The following DNAH14 variants were observed in gnomAD, a reference collection of about 807,000 sequenced individuals.
The protein encoded by DNAH14 is dynein axonemal heavy chain 14, also known as axonemal beta dynein heavy chain 14.
Under a neutral mutation model 520.9 loss-of-function variants are expected in DNAH14, and 478 were observed. The observed-to-expected ratio is 0.92, with a 90% CI of 0.85 to 0.99. The LOEUF (loss-of-function observed/expected upper bound fraction) is 0.99, where lower values mean the gene tolerates loss of function less well. Among genes scored for constraint, DNAH14 ranks in the 50% least tolerant of loss-of-function variants. DNAH14 has a pLI of 0.00. For missense variants in DNAH14, 4,831 were observed against 5,234.5 expected (o/e 0.92, Z 2.38); for synonymous variants, 1,581 against 1,757.2 (o/e 0.90, Z 2.51).
chr1:225,240,747 C>T lies in DNAH14; in HGVS notation c.6673C>T (p.Pro2225Ser), dbSNP rs1009922347. Residue 2225 changes from proline (P) to serine (S), a missense_variant, in exon 43 of 86, where the codon CCT (proline) becomes TCT (serine). By Grantham distance (74) the Pro-to-Ser change is moderately conservative. Transcript: ENST00000682510. Reference protein sequence around the residue: ...ENIPFCPSLEPDSLAKVTYDF... With the variant: ...ENIPFCPSLESDSLAKVTYDF... ...TATACCATTTTGTCCCAGTCTTGAA[C>T]CTGATTCTCTTGCAAAAGTAACATA... 6 of 1,550,360 alleles carry T rather than the reference C, an allele frequency of 3.9e-6. No individual in the cohort carries two copies. The highest frequency in any genetic ancestry group is 5.2e-6 in the Non-Finnish European group (6 of 1,146,254).
At chr1:225,192,278 A>G (rs1157284326) in intron 37 of DNAH14, among the ~76,000 whole-genome samples, 1 of 152,170 alleles carries the variant, frequency 6.6e-6, no homozygotes, top group Non-Finnish European at 1.5e-5. Context: ...ACATAAAACG[A>G]GACCAGATAT....
intron 5 of DNAH14, among the ~76,000 whole-genome samples, chr1:224,966,083 A>T (rs1356410052): frequency 2.6e-5 from 4 of 152,168 alleles, no homozygotes; most frequent in African/African-American, 7.2e-5. Context: ...TAGAATATAG[A>T]TAACTCAAAT....
At chr1:225,017,909 G>C (rs1233423218) in intron 10 of DNAH14, among the ~76,000 whole-genome samples, 3 of 152,172 alleles carry the variant, frequency 2.0e-5, no homozygotes, top group African/African-American at 7.2e-5. Context: ...TAAAAACAAA[G>C]CCCAGTCCAA....
chr1:225,344,346 C>T (rs1267149702), intron 69 of DNAH14, among the ~76,000 whole-genome samples: 1 of 152,016 alleles, frequency 6.6e-6, no homozygotes, highest in Non-Finnish European at 1.5e-5. Context: ...GCCCAGTACC[C>T]ATTAGTTATT....
chr1:225,310,064 T>G (rs1558340346), intron 60 of DNAH14, among the ~76,000 whole-genome samples: 2 of 133,210 alleles, frequency 1.5e-5, no homozygotes, highest in Non-Finnish European at 3.3e-5. Context: ...AAAAGAAAAA[T>G]AAATAAATAA....
At chr1:225,071,295 G>T (rs1176546688) in intron 17 of DNAH14, among the ~76,000 whole-genome samples, 2 of 152,166 alleles carry the variant, frequency 1.3e-5, no homozygotes, top group East Asian at 1.9e-4. Flanking sequence ...GTGTACTTCA[G>T]TGTGTTTTTA....
chr1:225,350,887 G>A (rs1388095939), intron 71 of DNAH14, among the ~76,000 whole-genome samples: 1 of 152,102 alleles, frequency 6.6e-6, no homozygotes, highest in Non-Finnish European at 1.5e-5. Context: ...AACTCATTCT[G>A]TGAGGCCAGC....
At chr1:225,161,656 A>C (rs1029006125) in intron 35 of DNAH14, among the ~76,000 whole-genome samples, 2 of 152,120 alleles carry the variant, frequency 1.3e-5, no homozygotes, top group African/African-American at 2.4e-5. Flanking sequence ...TTTTCTCCAC[A>C]TCCTCACCAG....
At chr1:225,130,577 AC>A in intron 27 of DNAH14, among the ~76,000 whole-genome samples, 1 of 149,688 alleles carries the variant, frequency 6.7e-6, no homozygotes, top group African/African-American at 2.5e-5. Context: ...AGGATAAAAA[AC>A]CAAACACTGC....
At position 225,392,579 on chromosome 1, in the gene DNAH14, A is replaced by G. The variant is rs538199379; in HGVS notation, c.13491+128A>G. ...ATGCCAGGCACTAGACAGGCAGATC[A>G]ACAAGCCCTGCTTCAAGTCCAAATG... On this transcript the variant is annotated intron_variant, in intron 84 of 85. Coordinates refer to ENST00000682510, the MANE Select transcript of DNAH14 (RefSeq NM_001367479.1). 187 of 1,137,682 alleles carry G rather than the reference A, an allele frequency of 1.6e-4. 2 individuals are homozygous for G. In the South Asian group the frequency reaches 2.8e-3, roughly 17 times the overall value. The allele number at this position is 1,137,682 out of a possible 1,614,324, so 70.5% of individuals were successfully genotyped here. A position where few individuals can be genotyped will look rare whatever the true frequency, so the allele number is the denominator to read the frequency against.
At chr1:225,211,969 C>T (rs982215556) in intron 41 of DNAH14, among the ~76,000 whole-genome samples, 8 of 151,484 alleles carry the variant, frequency 5.3e-5, no homozygotes, top group East Asian at 1.9e-4. Flanking sequence ...AGGTTTGTTA[C>T]GTATGTATAC....
Position 225,007,406 on chromosome 1 carries a change from T to G in DNAH14, c.976-7T>G. 1.3e-6 allele frequency: 2 copies of G among 1,513,628 alleles called. No individual in the cohort carries two copies. Among genetic ancestry groups the G allele is most frequent in the Non-Finnish European group, 1.8e-6 (2 of 1,128,980 alleles). The allele number at this position is 1,513,628 out of a possible 1,614,324, so 93.8% of individuals were successfully genotyped here. On this transcript the variant is annotated splice_region_variant and splice_polypyrimidine_tract_variant and intron_variant, in intron 9 of 85. Transcript: ENST00000682510. ...CTAACACTGAACATTTACTATCATCTAATTAGCTGGATAGTTCTCGAACAT... is the reference window on the plus strand; with the variant it reads ...CTAACACTGAACATTTACTATCATCGAATTAGCTGGATAGTTCTCGAACAT...
intron 11 of DNAH14, among the ~76,000 whole-genome samples, chr1:225,028,250 G>T (rs1299546355): frequency 6.6e-6 from 1 of 151,202 alleles, no homozygotes; most frequent in Non-Finnish European, 1.5e-5. Context: ...TGAAGTCTGG[G>T]CCTCAGCTTT....
chr1:225,114,449 G>T (rs2148838479), intron 23 of DNAH14, among the ~76,000 whole-genome samples: 1 of 152,252 alleles, frequency 6.6e-6, no homozygotes, highest in South Asian at 2.1e-4. Context: ...GTGCTGCCTG[G>T]GGTTGGGGGA....
At chr1:225,290,645 GTGTATATA>G (rs1285511590) in intron 55 of DNAH14, among the ~76,000 whole-genome samples, 315 of 40,490 alleles carry the variant, frequency 7.8e-3, no homozygotes, top group East Asian at 0.021. Context: ...GTGTGTGTGT[GTGTATATA>G]TATATATATA....
chr1:224,930,915 A>G (rs894099602), intron 1 of DNAH14, among the ~76,000 whole-genome samples: 1 of 152,182 alleles, frequency 6.6e-6, no homozygotes. Flanking sequence ...CATACTTTTA[A>G]ACGATTATTT....
At chr1:225,365,405 G>A (rs553186666) in intron 76 of DNAH14, among the ~76,000 whole-genome samples, 57 of 152,288 alleles carry the variant, frequency 3.7e-4, no homozygotes, top group African/African-American at 1.3e-3. Context: ...TAACAGCAGA[G>A]AAAACTGACC....
chr1:225,303,843 A>T (rs1417561736), intron 57 of DNAH14, among the ~76,000 whole-genome samples: 2 of 152,204 alleles, frequency 1.3e-5, no homozygotes, highest in Non-Finnish European at 2.9e-5. Context: ...CCTAGCTGAC[A>T]GCAAAGGGGG....
rs1262770138 is a variant in DNAH14 at position 225,084,807 on chromosome 1, C to A, written c.3328-737C>A. On this transcript the variant is annotated intron_variant, in intron 20 of 85. Coordinates refer to ENST00000682510, the MANE Select transcript of DNAH14 (RefSeq NM_001367479.1). ...AGACTTGACAAGGCTAGATTCACTT[C>A]ACTGAAATTTTGCTTTACACATTAT... is the stretch of plus-strand genomic sequence containing the variant. Among the ~76,000 whole-genome samples, 27 of 13,776 alleles carry A rather than the reference C, an allele frequency of 2.0e-3. 9 individuals carry two copies. In the East Asian group the frequency reaches 0.045, roughly 23 times the overall value. 9.0% of individuals were successfully genotyped at this position (13,776 alleles called of 152,430 possible). A position where few individuals can be genotyped will look rare whatever the true frequency, so the allele number is the denominator to read the frequency against.
Sources: allele counts gnomAD v4.1 joint callset (sites outside exome capture counted in the v4.1 genomes callset), GRCh38; gene constraint gnomAD v4.1.1; transcripts MANE v1.5; gene names NCBI Gene and HGNC (gene_info 2026-07-23, HGNC 2026-07-21).